Variants in UNC80 observed in about 807,000 individuals in gnomAD.
The protein encoded by UNC80 is unc-80 subunit of NALCN channel complex.
In UNC80, 164 loss-of-function variants were observed where a neutral mutation model predicts 384.6. The ratio of observed to expected loss-of-function variants is 0.43; its 90% CI spans 0.38 to 0.49. UNC80 has a LOEUF of 0.49. Ranked by LOEUF, UNC80 falls within the 20% of genes least tolerant of loss-of-function variation. The pLI is 0.00. For missense variants in UNC80, 3,330 were observed against 4,143.0 expected, an observed-to-expected ratio of 0.80 and a Z score of 5.39; for synonymous variants, 1,486 against 1,527.8, an observed-to-expected ratio of 0.97 and a Z score of 0.64.
chr2:209,918,628 G>A lies in UNC80; in HGVS notation c.5308G>A (p.Gly1770Arg). The part of the protein sequence containing the change: ...FDPPWVPQCS[G>R]SVQDPINEDQ... ...CCCACCGTGGGTTCCTCAGTGCAGC[G>A]GGAGTGTCCAGGACCCCATTAATGA... The change falls in exon 33 of 65, where the codon GGG becomes AGG. Residue 1770 changes from glycine to arginine, a missense_variant. Gly to Arg is a moderately radical substitution (Grantham distance 125). This residue lies in a region of UNC80 where 1,049 missense variants were observed against 1,488.6 expected (regional missense o/e 0.70). Coordinates refer to ENST00000673920, the MANE Select transcript of UNC80 (RefSeq NM_001371986.1). 1 of 1,551,698 alleles carries A rather than the reference G, an allele frequency of 6.4e-7. No homozygotes were observed. The highest frequency in any genetic ancestry group is 8.7e-7 in the Non-Finnish European group (1 of 1,146,918).
In UNC80 at chr2:209,930,618, C is replaced by T. The variant is rs1323883074; in HGVS notation, c.5908-350C>T. Among the ~76,000 whole-genome samples the T allele has an allele frequency of 2.0e-5, 3 of 152,158 alleles. No individual in the cohort carries two copies. In the East Asian group the frequency reaches 5.8e-4, roughly 29 times the overall value. On this transcript the variant is annotated intron_variant, in intron 37 of 64. Coordinates refer to ENST00000673920, the MANE Select transcript of UNC80 (RefSeq NM_001371986.1). ...ATGATTTTTCAACATAGGTCCTCCT[C>T]ATAGTCCCGTCATATCAGGCTACCA...
At chr2:209,816,089 T>C (rs1021988625) in intron 9 of UNC80, among the ~76,000 whole-genome samples, 1 of 152,226 alleles carries the variant, frequency 6.6e-6, no homozygotes, top group African/African-American at 2.4e-5. Context: ...TTTTCTGCCT[T>C]TGTTAATGAT....
Position 209,970,000 on chromosome 2 carries a change from A to T in UNC80, c.8130+109A>T, listed in dbSNP as rs2092836923. The T allele has an allele frequency of 2.2e-6, 3 of 1,383,782 alleles. No homozygotes were observed. In the African/African-American group the frequency reaches 4.4e-5, roughly 20 times the overall value. The allele number at this position is 1,383,782 out of a possible 1,614,324, so 85.7% of individuals were successfully genotyped here. A position where few individuals can be genotyped will look rare whatever the true frequency, so the allele number is the denominator to read the frequency against. ...AACCACTTTGTGCCCCTATCTGCCC[A>T]TGAAAACAGACGGCTCAGGTGACAC... On this transcript the variant is annotated intron_variant, in intron 53 of 64. Transcript: ENST00000673920.
rs2092524333 is a variant in UNC80 at position 209,959,548 on chromosome 2, G to A, written c.7646G>A (p.Arg2549Gln). The A allele has an allele frequency of 2.6e-6, 4 of 1,551,578 alleles. No individual in the cohort carries two copies. The highest frequency in any genetic ancestry group is 1.2e-5 in the South Asian group (1 of 84,060). ...QGIPREELDE[R>Q]IAREEFRRPR... ...ATTCCCAGAGAGGAACTGGATGAAC[G>A]AATTGCTCGGGAAGAGTTCAGAAGA... The change falls in exon 51 of 65, where the codon CGA becomes CAA. Residue 2549 changes from arginine to glutamine, a missense_variant. Transcript: ENST00000673920.
intron 61 of UNC80, among the ~76,000 whole-genome samples, chr2:209,988,543 A>C (rs1174968720): frequency 1.3e-5 from 2 of 152,196 alleles, no homozygotes; most frequent in Non-Finnish European, 2.9e-5. Context: ...TGCATAAAAG[A>C]TATACTTTAT....
At chr2:209,772,196 C>G (rs2076611653) in intron 1 of UNC80, 32 bp downstream of exon 1, 1 of 1,482,286 alleles carries the variant, frequency 6.7e-7, no homozygotes, top group Admixed American at 2.1e-5. Flanking sequence ...CCGCGGGCCG[C>G]CCTGGGCTGG....
chr2:209,917,540 A>G (rs2089652783), intron 31 of UNC80, among the ~76,000 whole-genome samples: 1 of 152,184 alleles, frequency 6.6e-6, no homozygotes, highest in South Asian at 2.1e-4. Context: ...GAGTCAAAGG[A>G]AACTTTGCTT....
At chr2:209,871,920 A>G (rs2084334264) in intron 22 of UNC80, among the ~76,000 whole-genome samples, 1 of 151,590 alleles carries the variant, frequency 6.6e-6, no homozygotes, top group Non-Finnish European at 1.5e-5. Flanking sequence ...AAACATTTTC[A>G]ATTAAAACCA....
intron 6 of UNC80, among the ~76,000 whole-genome samples, chr2:209,790,317 G>T (rs2077716325): frequency 6.6e-6 from 1 of 152,048 alleles, no homozygotes; most frequent in African/African-American, 2.4e-5. Context: ...GTCAAAATTG[G>T]ATCCTCTTTC....
At chr2:209,865,534 G>A (rs556072388) in intron 22 of UNC80, among the ~76,000 whole-genome samples, 98 of 151,410 alleles carry the variant, frequency 6.5e-4, no homozygotes, top group South Asian at 4.6e-3. Flanking sequence ...CCCGGGAGGC[G>A]GAGCTTGCAG....
rs535321786 is a variant in UNC80, at chr2:209,976,983, G to A, written c.8843G>A (p.Arg2948Gln). 5.2e-6 allele frequency: 8 copies of A among 1,537,164 alleles called. No individual in the cohort carries two copies. Among genetic ancestry groups the A allele is most frequent in the East Asian group, 2.5e-5 (1 of 40,484 alleles). The change falls in exon 58 of 65, where the codon CGG becomes CAG. Residue 2948 changes from arginine to glutamine, a missense_variant. Arg to Gln is a conservative substitution (Grantham distance 43). This residue lies in a region of UNC80 where 216 missense variants were observed against 245.3 expected (regional missense o/e 0.88). Transcript: ENST00000673920. This position sits in a 1 kb window ranked among gnomAD's most constrained non-coding sequence, Gnocchi z 4.3. ...CAACATATTGCCGACCAGCTGGAGC[G>A]GCGCTTCATACCACGCCCTTTGTGT... ...ARQHIADQLE[R>Q]RFIPRPLCKS...
At chr2:209,772,194 C>T in intron 1 of UNC80, 30 bp downstream of exon 1, 4 of 1,484,406 alleles carry the variant, frequency 2.7e-6, no homozygotes, top group Non-Finnish European at 3.6e-6. Flanking sequence ...CACCGCGGGC[C>T]GCCCTGGGCT....
intron 25 of UNC80, among the ~76,000 whole-genome samples, chr2:209,881,312 T>C (rs746329806): frequency 1.3e-5 from 2 of 152,202 alleles, no homozygotes; most frequent in Non-Finnish European, 2.9e-5. Flanking sequence ...AGTGAAGGTT[T>C]TCCTACTGGA....
intron 12 of UNC80, among the ~76,000 whole-genome samples, chr2:209,819,810 C>A (rs561098923): frequency 1.5e-4 from 23 of 152,058 alleles, no homozygotes; most frequent in African/African-American, 5.5e-4. Context: ...AATATTAAAA[C>A]CAATAAAGGA....
chr2:209,913,962 C>T, intron 31 of UNC80, 22 bp downstream of exon 31: 2 of 1,522,714 alleles, frequency 1.3e-6, no homozygotes, highest in Admixed American at 4.2e-5. Context: ...CCACCTGGAA[C>T]CCTGTGCCTG....
intron 22 of UNC80, among the ~76,000 whole-genome samples, chr2:209,866,685 A>G (rs998837897): frequency 4.6e-5 from 7 of 152,246 alleles, no homozygotes; most frequent in Admixed American, 2.0e-4. Context: ...TTTAAGTTTC[A>G]AGTACTACAT....
chr2:209,822,880 G>A (rs1286291923), intron 13 of UNC80, among the ~76,000 whole-genome samples: 3 of 151,984 alleles, frequency 2.0e-5, no homozygotes, highest in African/African-American at 2.4e-5. Flanking sequence ...GTCAGATTAT[G>A]TGGTCTCCAA....
intron 18 of UNC80, among the ~76,000 whole-genome samples, chr2:209,838,793 C>G (rs1273421941): frequency 6.6e-6 from 1 of 152,080 alleles, no homozygotes; most frequent in Admixed American, 6.6e-5. Flanking sequence ...AACCCCATCT[C>G]TACTAAAAAT....
Position 209,997,588 on chromosome 2 carries a change from A to T in UNC80, c.*1993A>T, listed in dbSNP as rs1238055319. On this transcript the variant is annotated 3_prime_UTR_variant, in exon 65 of 65. Transcript: ENST00000673920. ...TCATAAATACCTTTATATGTATTTT[A>T]AAAGTATTGGGCTGTTCTGAACATG... 1 of 152,224 alleles carries T rather than the reference A, an allele frequency of 6.6e-6. No individual in the cohort carries two copies. The highest frequency in any genetic ancestry group is 2.4e-5 in the African/African-American group (1 of 41,450). The allele number at this position is 152,224 out of a possible 1,614,324, so 9.4% of individuals were successfully genotyped here. A position where few individuals can be genotyped will look rare whatever the true frequency, so the allele number is the denominator to read the frequency against.
Sources: gnomAD v4.1 joint callset for allele counts (sites outside exome capture counted in the v4.1 genomes callset) on GRCh38, gnomAD v4.1.1 for gene constraint, gnomAD v4.1.1 regional missense constraint, Gnocchi (gnomAD v3.1) non-coding constraint, MANE v1.5 for transcripts, NCBI Gene and HGNC (gene_info 2026-07-23, HGNC 2026-07-21) for gene names.